Variants in PRKCA observed in about 807,000 individuals in gnomAD.
The protein encoded by PRKCA is protein kinase C alpha type.
In PRKCA, 27 loss-of-function variants were observed where a neutral mutation model predicts 87.0. The observed-to-expected ratio is 0.31, with a 90% CI of 0.23 to 0.43. The LOEUF (loss-of-function observed/expected upper bound fraction) is 0.43. Among genes scored for constraint, PRKCA ranks in the 20% least tolerant of loss-of-function variants. The probability of loss-of-function intolerance (pLI) is 1.00; values close to 1 mark genes in which losing one functional copy is unlikely to be tolerated. For synonymous variants in PRKCA, 329 were observed against 311.1 expected, an observed-to-expected ratio of 1.06 and a Z score of -0.61; for missense variants, 518 against 852.3, an observed-to-expected ratio of 0.61 and a Z score of 4.88.
At chr17:66,508,017 A>G (rs1422026083) in intron 3 of PRKCA, among the ~76,000 whole-genome samples, 1 of 152,158 alleles carries the variant, frequency 6.6e-6, no homozygotes, top group African/African-American at 2.4e-5. Context: ...GTGTTATTTT[A>G]TTTATTTACA....
intron 5 of PRKCA, among the ~76,000 whole-genome samples, chr17:66,681,466 C>T (rs561015121): frequency 5.3e-5 from 8 of 152,098 alleles, no homozygotes; most frequent in East Asian, 3.9e-4. Flanking sequence ...GTGGTGGTGA[C>T]GGCGAAGATG....
chr17:66,610,766 A>G (rs897351179), intron 3 of PRKCA, among the ~76,000 whole-genome samples: 2 of 152,066 alleles, frequency 1.3e-5, no homozygotes, highest in African/African-American at 4.8e-5. Flanking sequence ...TCCTTCCCCT[A>G]TTGATTGGGG....
chr17:66,765,440 A>C (rs1356323540), intron 13 of PRKCA, among the ~76,000 whole-genome samples: 58 of 136,118 alleles, frequency 4.3e-4, no homozygotes, highest in Non-Finnish European at 5.2e-4. Flanking sequence ...ATATATATAT[A>C]TATATATATA....
chr17:66,320,623 T>G (rs1905601232), intron 2 of PRKCA, among the ~76,000 whole-genome samples: 1 of 152,190 alleles, frequency 6.6e-6, no homozygotes, highest in Admixed American at 6.5e-5. Flanking sequence ...TTGATTTGTA[T>G]TGGATGAGAA....
chr17:66,508,132 C>A (rs991923323), intron 3 of PRKCA, among the ~76,000 whole-genome samples: 1 of 152,228 alleles, frequency 6.6e-6, no homozygotes, highest in Non-Finnish European at 1.5e-5. Context: ...AGCACCCCCC[C>A]TCACAGTCGC....
At chr17:66,573,435 A>G (rs1254701531) in intron 3 of PRKCA, among the ~76,000 whole-genome samples, 3 of 152,320 alleles carry the variant, frequency 2.0e-5, no homozygotes, top group Non-Finnish European at 2.9e-5. Flanking sequence ...TCAGGAATAC[A>G]TGGGTCATTA....
intron 2 of PRKCA, among the ~76,000 whole-genome samples, chr17:66,328,119 A>G (rs1249492867): frequency 6.6e-6 from 1 of 152,172 alleles, no homozygotes; most frequent in Non-Finnish European, 1.5e-5. Flanking sequence ...ATTGTAGCTC[A>G]CTGCAATCTC....
intron 3 of PRKCA, among the ~76,000 whole-genome samples, chr17:66,555,672 C>G (rs1186646600): frequency 6.6e-6 from 1 of 152,158 alleles, no homozygotes; most frequent in African/African-American, 2.4e-5. Flanking sequence ...CAACTCCACC[C>G]AGGTTCTTAT....
chr17:66,365,410 T>G (rs553102077), intron 2 of PRKCA, among the ~76,000 whole-genome samples: 1 of 152,280 alleles, frequency 6.6e-6, no homozygotes, highest in South Asian at 2.1e-4. Context: ...ACCCAAGCCC[T>G]GGACTAAGCC....
At chr17:66,476,997 T>A (rs1915562583) in intron 2 of PRKCA, among the ~76,000 whole-genome samples, 1 of 152,082 alleles carries the variant, frequency 6.6e-6, no homozygotes, top group African/African-American at 2.4e-5. Flanking sequence ...CGGAAACAGT[T>A]GAGAATGAGA....
At chr17:66,441,588 A>C (rs1177651543) in intron 2 of PRKCA, among the ~76,000 whole-genome samples, 1 of 152,034 alleles carries the variant, frequency 6.6e-6, no homozygotes, top group South Asian at 2.1e-4. Context: ...TCTCCTCTTC[A>C]GGTGGTTTCT....
At chr17:66,332,212 T>C (rs1044945302) in intron 2 of PRKCA, among the ~76,000 whole-genome samples, 4 of 144,094 alleles carry the variant, frequency 2.8e-5, no homozygotes, top group African/African-American at 1.1e-4. Flanking sequence ...CTTTCTTCCT[T>C]CCTTCCTTCC....
intron 2 of PRKCA, among the ~76,000 whole-genome samples, chr17:66,391,350 T>G (rs1910347574): frequency 2.0e-5 from 3 of 152,274 alleles, no homozygotes; most frequent in Non-Finnish European, 2.9e-5. Flanking sequence ...CCCTTCCTCC[T>G]CCTCCAAGAA....
At chr17:66,671,568 C>T (rs1335330797) in intron 5 of PRKCA, among the ~76,000 whole-genome samples, 1 of 152,152 alleles carries the variant, frequency 6.6e-6, no homozygotes, top group Non-Finnish European at 1.5e-5. Context: ...CCACCATTTT[C>T]AGATGGGATG....
intron 2 of PRKCA, among the ~76,000 whole-genome samples, chr17:66,383,217 T>C (rs1909867284): frequency 6.6e-6 from 1 of 152,122 alleles, no homozygotes; most frequent in African/African-American, 2.4e-5. Flanking sequence ...TTCTTAAGGG[T>C]AGTATTTGTA....
chr17:66,338,455 G>C (rs1906841624), intron 2 of PRKCA, among the ~76,000 whole-genome samples: 2 of 152,088 alleles, frequency 1.3e-5, no homozygotes, highest in African/African-American at 2.4e-5. Flanking sequence ...GGAAAGGCTG[G>C]CACGGGGAAC....
chr17:66,458,424 A>G (rs930852565), intron 2 of PRKCA, among the ~76,000 whole-genome samples: 2 of 152,122 alleles, frequency 1.3e-5, no homozygotes, highest in Non-Finnish European at 2.9e-5. Flanking sequence ...AGAATATGCA[A>G]CACTGCTAGG....
At chr17:66,731,433 C>G (rs949893987) in intron 8 of PRKCA, among the ~76,000 whole-genome samples, 1 of 151,864 alleles carries the variant, frequency 6.6e-6, no homozygotes, top group Non-Finnish European at 1.5e-5. Flanking sequence ...GAGGTCTAGC[C>G]AGGGACCAGG....
At chr17:66,645,591 G>A (rs1167560952) in intron 5 of PRKCA, 80 bp downstream of exon 5, 7 of 1,580,412 alleles carry the variant, frequency 4.4e-6, no homozygotes, top group Non-Finnish European at 6.0e-6. Flanking sequence ...CAGGGTGGGG[G>A]CTGGGCTGGA....
Sources: gnomAD v4.1 joint callset for allele counts (sites outside exome capture counted in the v4.1 genomes callset) on GRCh38, gnomAD v4.1.1 for gene constraint, MANE v1.5 for transcripts, NCBI Gene and HGNC (gene_info 2026-07-23, HGNC 2026-07-21) for gene names.